Variants in PIP5K1B observed in about 807,000 individuals in gnomAD.
PIP5K1B encodes the protein phosphatidylinositol-4-phosphate 5-kinase type 1 beta.
In PIP5K1B, 42 loss-of-function variants were observed where a neutral mutation model predicts 67.0. The ratio of observed to expected loss-of-function variants is 0.63; its 90% confidence interval spans 0.49 to 0.81. The LOEUF is 0.81. Among genes scored for constraint, PIP5K1B ranks in the 30% least tolerant of loss-of-function variants. The probability of loss-of-function intolerance (pLI) is 0.00; values close to 1 mark genes in which losing one functional copy is unlikely to be tolerated. For synonymous variants in PIP5K1B, 214 were observed against 231.4 expected (o/e 0.92, Z 0.68); for missense variants, 459 against 646.3 (o/e 0.71, Z 3.14).
chr9:68,779,942 A>G (rs1301101824), intron 2 of PIP5K1B: 4 of 502,534 alleles, frequency 8.0e-6, no homozygotes, highest in South Asian at 5.3e-5. Context: ...CGGCCCGACC[A>G]CTCCTCGCCC....
intron 2 of PIP5K1B, among the ~76,000 whole-genome samples, chr9:68,766,377 T>C (rs1207900757): frequency 6.6e-6 from 1 of 152,182 alleles, no homozygotes; most frequent in African/African-American, 2.4e-5. Flanking sequence ...AAAATGAACG[T>C]ACAAAGATCT....
chr9:68,801,565 A>G (rs1371967175), intron 2 of PIP5K1B, among the ~76,000 whole-genome samples: 1 of 152,232 alleles, frequency 6.6e-6, no homozygotes, highest in East Asian at 1.9e-4. Context: ...TCAAAACCAC[A>G]GGGATTGACA....
chr9:68,761,119 A>G (rs981252769), intron 2 of PIP5K1B, among the ~76,000 whole-genome samples: 1 of 152,110 alleles, frequency 6.6e-6, no homozygotes, highest in Non-Finnish European at 1.5e-5. Flanking sequence ...GGTATTACCC[A>G]AGCCTTCTGA....
intron 1 of PIP5K1B, among the ~76,000 whole-genome samples, chr9:68,733,506 G>A (rs189158609): frequency 6.6e-6 from 1 of 152,004 alleles, no homozygotes; most frequent in Non-Finnish European, 1.5e-5. Flanking sequence ...CACAAACTCT[G>A]TGTGACATTT....
chr9:68,903,663 A>G (rs947645162), intron 8 of PIP5K1B, among the ~76,000 whole-genome samples: 1 of 152,202 alleles, frequency 6.6e-6, no homozygotes, highest in East Asian at 1.9e-4. Flanking sequence ...GAAGGAACAC[A>G]ATAATCCATG....
chr9:68,938,295 A>T (rs766424389), intron 13 of PIP5K1B, among the ~76,000 whole-genome samples: 3 of 152,172 alleles, frequency 2.0e-5, no homozygotes, highest in Non-Finnish European at 4.4e-5. Flanking sequence ...TATTGGGTGC[A>T]TGTATATTTA....
Position 68,880,972 on chromosome 9 carries a change from G to T in PIP5K1B, c.318+4178G>T, listed in dbSNP as rs142946387. On this transcript the variant is annotated intron_variant, in intron 6 of 15. Coordinates refer to ENST00000265382, the MANE Select transcript of PIP5K1B (RefSeq NM_003558.4). ...GTGATAGATGAGGAAAGGGTCGTTT[G>T]CATGACACAGCATGCTTGAGTGTCA... is the stretch of plus-strand genomic sequence containing the variant. Among the ~76,000 whole-genome samples, 638 of 152,322 alleles carry T rather than the reference G, an allele frequency of 4.2e-3. 3 individuals carry two copies. The highest frequency in any genetic ancestry group is 4.0e-3 in the Non-Finnish European group (275 of 68,028).
chr9:68,788,879 A>G (rs1465580549), intron 2 of PIP5K1B: 2 of 250,940 alleles, frequency 8.0e-6, no homozygotes, highest in Non-Finnish European at 1.6e-5. Flanking sequence ...TTGCACTGAC[A>G]GGATAAGAGA....
At chr9:68,777,354 A>C (rs1262092490) in intron 2 of PIP5K1B, among the ~76,000 whole-genome samples, 1 of 152,250 alleles carries the variant, frequency 6.6e-6, no homozygotes, top group Non-Finnish European at 1.5e-5. Context: ...TGTAGAGCTT[A>C]CTTTCTCAGC....
intron 2 of PIP5K1B, among the ~76,000 whole-genome samples, chr9:68,801,517 T>C (rs943451502): frequency 1.3e-5 from 2 of 152,186 alleles, no homozygotes; most frequent in African/African-American, 4.8e-5. Context: ...ATTTGAAATA[T>C]ATTCCAAGAC....
chr9:68,961,931 A>G (rs1440674586), intron 14 of PIP5K1B, among the ~76,000 whole-genome samples: 2 of 152,192 alleles, frequency 1.3e-5, no homozygotes, highest in African/African-American at 4.8e-5. Flanking sequence ...TCAACCACAG[A>G]TACTTAACTT....
chr9:68,826,986 A>G (rs79756042), intron 4 of PIP5K1B, among the ~76,000 whole-genome samples: 28,684 of 152,154 alleles, frequency 0.19, 2,766 homozygotes, highest in East Asian at 0.24. Flanking sequence ...TCCTGAGCTC[A>G]GGCAATCGAC....
Position 68,934,884 on chromosome 9 carries a change from G to A in PIP5K1B, c.1202-6G>A. ...ATCTGTATTTGTCCTTTTCCTTTCT[G>A]TCTAGCTTTGAAGGCTTCACCGTCT... On this transcript the variant is annotated splice_region_variant and splice_polypyrimidine_tract_variant and intron_variant, in intron 12 of 15. Coordinates refer to ENST00000265382, the MANE Select transcript of PIP5K1B (RefSeq NM_003558.4). 6.3e-7 allele frequency: 1 copy of A among 1,599,362 alleles called. No individual in the cohort carries two copies. The highest frequency in any genetic ancestry group is 8.5e-7 in the Non-Finnish European group (1 of 1,172,762).
chr9:68,981,600 G>A (rs1829883353), intron 14 of PIP5K1B, among the ~76,000 whole-genome samples: 4 of 152,256 alleles, frequency 2.6e-5, no homozygotes, highest in African/African-American at 7.2e-5. Flanking sequence ...ACTTTTAAAA[G>A]ACAAAAACTG....
At chr9:68,747,679 C>T (rs908725454) in intron 2 of PIP5K1B, among the ~76,000 whole-genome samples, 4 of 152,010 alleles carry the variant, frequency 2.6e-5, no homozygotes, top group African/African-American at 7.2e-5. Context: ...AAATCAGAAG[C>T]GAATTTTAAA....
intron 5 of PIP5K1B, among the ~76,000 whole-genome samples, chr9:68,875,372 A>G (rs1208681203): frequency 6.9e-6 from 1 of 144,830 alleles, no homozygotes; most frequent in Non-Finnish European, 1.5e-5. Context: ...TGCGTTGGTT[A>G]TATTGAATAG....
intron 8 of PIP5K1B, among the ~76,000 whole-genome samples, chr9:68,906,405 A>G (rs1245190409): frequency 6.6e-6 from 1 of 152,212 alleles, no homozygotes; most frequent in Non-Finnish European, 1.5e-5. Context: ...GACAAGGTAG[A>G]AAATGTCCGT....
At chr9:68,706,560 C>T (rs1280282052) in intron 1 of PIP5K1B, among the ~76,000 whole-genome samples, 1 of 152,150 alleles carries the variant, frequency 6.6e-6, no homozygotes, top group African/African-American at 2.4e-5. Flanking sequence ...ATTCTTTCAT[C>T]GAATCTACTG....
At chr9:68,847,469 G>GTGTGTGTGTGTGTGTGTGTGTGT (rs1587548752) in intron 4 of PIP5K1B, among the ~76,000 whole-genome samples, 2 of 147,638 alleles carry the variant, frequency 1.4e-5, no homozygotes, top group African/African-American at 5.0e-5. Context: ...GTGTGTAGGT[G>GTGTGTGTGTGTGTGTGTGTGTGT]GGGATAACAT....
Sources: allele counts gnomAD v4.1 joint callset (sites outside exome capture counted in the v4.1 genomes callset), GRCh38; gene constraint gnomAD v4.1.1; transcripts MANE v1.5; gene names NCBI Gene and HGNC (gene_info 2026-07-23, HGNC 2026-07-21).